The following HERC6 variants were observed in gnomAD, a reference collection of about 807,000 sequenced individuals.
HERC6 encodes the protein probable E3 ubiquitin-protein ligase HERC6.
In HERC6, 101 loss-of-function variants were observed where a neutral mutation model predicts 114.5. The observed-to-expected ratio is 0.88, with a 90% CI of 0.75 to 1.04. The LOEUF is 1.04. Among genes scored for constraint, HERC6 ranks in the 50% least tolerant of loss-of-function variants. The pLI is 0.00. For missense variants in HERC6, 1,133 were observed against 1,230.9 expected (o/e 0.92, Z 1.19); for synonymous variants, 408 against 436.2 (o/e 0.94, Z 0.81).
chr4:88,400,173 A>G (rs1386274427), intron 8 of HERC6, among the ~76,000 whole-genome samples: 1 of 152,184 alleles, frequency 6.6e-6, no homozygotes, highest in Non-Finnish European at 1.5e-5. Context: ...AAGCACCTGT[A>G]TGGAGGTCCT....
chr4:88,395,925 C>T, intron 5 of HERC6, 90 bp from the exon 6 acceptor site: 1 of 1,153,398 alleles, frequency 8.7e-7, no homozygotes, highest in Non-Finnish European at 1.2e-6. Flanking sequence ...CAGAGTGCTC[C>T]CGTATTAACT....
At chr4:88,427,078 A>G (rs1181543229) in intron 15 of HERC6, among the ~76,000 whole-genome samples, 1 of 152,198 alleles carries the variant, frequency 6.6e-6, no homozygotes, top group South Asian at 2.1e-4. Flanking sequence ...ATGAAAGACT[A>G]GGAAAAGTCT....
At chr4:88,401,781 G>A (rs751534685) in intron 8 of HERC6, among the ~76,000 whole-genome samples, 9 of 152,210 alleles carry the variant, frequency 5.9e-5, no homozygotes, top group Non-Finnish European at 8.8e-5. Context: ...GAAGGGTTGT[G>A]ATAGTTGTCT....
chr4:88,422,572 C>G (rs1374314562), intron 13 of HERC6, among the ~76,000 whole-genome samples: 2 of 146,692 alleles, frequency 1.4e-5, no homozygotes, highest in Admixed American at 1.4e-4. Flanking sequence ...GCTGTTTTAA[C>G]TTTATCTACT....
Position 88,396,838 on chromosome 4 carries a change from C to G in HERC6, c.888-13C>G. On this transcript the variant is annotated splice_polypyrimidine_tract_variant and intron_variant, in intron 6 of 22. Coordinates refer to ENST00000264346, the MANE Select transcript of HERC6 (RefSeq NM_017912.4). ...GCCTTAGTCTTCATTATGGTGTATT[C>G]TCTTTCCTGTAGTTATCACACCCTG... 1 of 1,542,870 alleles carries G rather than the reference C, an allele frequency of 6.5e-7. No homozygotes were observed. The highest frequency in any genetic ancestry group is 1.2e-5 in the South Asian group (1 of 81,252).
chr4:88,435,907 GT>G lies in HERC6; in HGVS notation c.2417+22del. 6.3e-7 allele frequency: 1 copy of G among 1,584,356 alleles called. No individual in the cohort carries two copies. The highest frequency in any genetic ancestry group is 8.6e-7 in the Non-Finnish European group (1 of 1,165,390). On this transcript the variant is annotated intron_variant, in intron 18 of 22. Transcript: ENST00000264346. ...GGTTGGGGAAGTAAGTAAATATAAC[GT>G]TTTTTCAGGACCGTATCTAGTAAGT...
intron 11 of HERC6, among the ~76,000 whole-genome samples, chr4:88,409,927 C>T (rs1030776946): frequency 5.3e-5 from 8 of 152,124 alleles, no homozygotes; most frequent in African/African-American, 1.7e-4. Flanking sequence ...AAACAACAGA[C>T]ATTTATTTCT....
chr4:88,381,712 C>T (rs1734334140), intron 1 of HERC6, among the ~76,000 whole-genome samples: 1 of 152,004 alleles, frequency 6.6e-6, no homozygotes, highest in African/African-American at 2.4e-5. Flanking sequence ...CACTCACCAC[C>T]ATGCCCAGCT....
chr4:88,436,370 T>C (rs540886707), intron 18 of HERC6, among the ~76,000 whole-genome samples: 1 of 152,270 alleles, frequency 6.6e-6, no homozygotes, highest in East Asian at 1.9e-4. Context: ...TGGCAAAAAA[T>C]TGGGGGAAAG....
intron 13 of HERC6, among the ~76,000 whole-genome samples, chr4:88,421,281 T>C (rs932078207): frequency 6.6e-6 from 1 of 152,186 alleles, no homozygotes; most frequent in African/African-American, 2.4e-5. Context: ...GTAGACATGT[T>C]TTCATTTCCC....
At chr4:88,387,258 A>G (rs889606056) in intron 3 of HERC6, among the ~76,000 whole-genome samples, 2 of 152,174 alleles carry the variant, frequency 1.3e-5, no homozygotes, top group African/African-American at 4.8e-5. Context: ...TTAGCTGGGC[A>G]TGGTGGTATG....
rs57584452 is a variant in HERC6 at position 88,431,317 on chromosome 4, C to CT, written c.2250+24dup. The CT allele has an allele frequency of 0.072, 69,179 of 959,588 alleles. No homozygotes were observed. The highest frequency in any genetic ancestry group is 0.091 in the South Asian group (4,970 of 54,754). The allele number at this position is 959,588 out of a possible 1,614,324, so 59.4% of individuals were successfully genotyped here. A position where few individuals can be genotyped will look rare whatever the true frequency, so the allele number is the denominator to read the frequency against. ...GGTTTCCTGCCAAGGTAAGTCTTTT[C>CT]TTTTTTTTTTTTCCCCCAGAACAGA... is the stretch of plus-strand genomic sequence containing the variant. On this transcript the variant is annotated intron_variant, in intron 17 of 22. Transcript: ENST00000264346.
At chr4:88,436,343 A>C (rs756012512) in intron 18 of HERC6, among the ~76,000 whole-genome samples, 7 of 152,226 alleles carry the variant, frequency 4.6e-5, no homozygotes, top group Non-Finnish European at 1.0e-4. Flanking sequence ...CTTGTTAAAA[A>C]GTTTTTCTTA....
rs1259250683 is a variant in HERC6 at position 88,428,688 on chromosome 4, G to A, written c.2044G>A (p.Val682Ile). Residue 682 changes from valine (V) to isoleucine (I), a missense_variant, in exon 16 of 23, where the codon GTT becomes ATT. Val to Ile is a conservative substitution (Grantham distance 29). This residue lies in a region of HERC6 where 388 missense variants were observed against 445.9 expected (regional missense o/e 0.87). Coordinates refer to ENST00000264346, the MANE Select transcript of HERC6 (RefSeq NM_017912.4). ...FILRVRRSRL[V>I]KDALRQLSQA... ...ACTTAGAGTCAGACGAAGTCGCCTGGTTAAAGATGCTCTGCGTCAATTAAG... is the reference window on the plus strand; with the variant it reads ...ACTTAGAGTCAGACGAAGTCGCCTGATTAAAGATGCTCTGCGTCAATTAAG... 8 of 1,600,656 alleles carry A rather than the reference G, an allele frequency of 5.0e-6. 1 individual carries two copies. In the South Asian group the frequency reaches 5.7e-5, roughly 11 times the overall value.
At chr4:88,406,218 G>A (rs1474939906) in intron 10 of HERC6, among the ~76,000 whole-genome samples, 1 of 152,200 alleles carries the variant, frequency 6.6e-6, no homozygotes, top group African/African-American at 2.4e-5. Context: ...CTGCCTCTTT[G>A]GAGGTTGATG....
chr4:88,417,701 G>A (rs1736625796), intron 13 of HERC6, 122 bp downstream of exon 13: 5 of 781,062 alleles, frequency 6.4e-6, no homozygotes, highest in East Asian at 5.8e-5. Flanking sequence ...TTTTTTAAAG[G>A]AGTATAGAAA....
intron 17 of HERC6, among the ~76,000 whole-genome samples, chr4:88,432,316 G>C (rs1738300795): frequency 6.6e-6 from 1 of 151,526 alleles, no homozygotes; most frequent in Admixed American, 6.6e-5. Flanking sequence ...GAAAAACTCT[G>C]AGATCTGAAA....
At chr4:88,391,571 T>A (rs563034044) in intron 4 of HERC6, among the ~76,000 whole-genome samples, 1 of 152,280 alleles carries the variant, frequency 6.6e-6, no homozygotes, top group South Asian at 2.1e-4. Flanking sequence ...TCAGACCCCA[T>A]ACCTATTAAA....
At chr4:88,397,605 G>A (rs2148883694) in intron 7 of HERC6, among the ~76,000 whole-genome samples, 1 of 152,000 alleles carries the variant, frequency 6.6e-6, no homozygotes, top group African/African-American at 2.4e-5. Context: ...GCTGAGGCAG[G>A]AGAACCCCTT....
Sources: gnomAD v4.1 joint callset for allele counts (sites outside exome capture counted in the v4.1 genomes callset) on GRCh38, gnomAD v4.1.1 for gene constraint, gnomAD v4.1.1 regional missense constraint, MANE v1.5 for transcripts, NCBI Gene and HGNC (gene_info 2026-07-23, HGNC 2026-07-21) for gene names.